ST18: variants seen among roughly 807,000 people sequenced by gnomAD.
The protein encoded by ST18 is ST18 C2H2C-type zinc finger transcription factor, also known as suppression of tumorigenicity 18 protein.
Under a neutral mutation model 110.0 loss-of-function variants are expected in ST18, and 50 were observed. The observed-to-expected ratio is 0.45, with a 90% CI of 0.36 to 0.58. The LOEUF is 0.58. Among genes scored for constraint, ST18 ranks in the 20% least tolerant of loss-of-function variants. ST18 has a pLI of 0.00. For synonymous variants in ST18, 461 were observed against 452.4 expected (o/e 1.02, Z -0.24); for missense variants, 1,306 against 1,280.1 (o/e 1.02, Z -0.31).
At chr8:52,158,088 C>T (rs2060466279) in intron 15 of ST18, among the ~76,000 whole-genome samples, 1 of 152,234 alleles carries the variant, frequency 6.6e-6, no homozygotes, top group African/African-American at 2.4e-5. Context: ...GTGCAAATGG[C>T]TGAGCCACTT....
intron 19 of ST18, 43 bp downstream of exon 19, chr8:52,136,547 C>G (rs779679577): frequency 6.4e-7 from 1 of 1,570,378 alleles, no homozygotes; most frequent in Non-Finnish European, 8.7e-7. Flanking sequence ...GAGGGTCCTA[C>G]CGTGTGGATG....
chr8:52,280,787 G>T (rs2095361274), intron 2 of ST18, among the ~76,000 whole-genome samples: 1 of 151,978 alleles, frequency 6.6e-6, no homozygotes, highest in Non-Finnish European at 1.5e-5. Context: ...TAATATAAAA[G>T]TTTTAAACAA....
chr8:52,171,462 A>G (rs2064932346), intron 10 of ST18: 1 of 400,830 alleles, frequency 2.5e-6, no homozygotes, highest in South Asian at 2.0e-5. Context: ...AAGATTTAAG[A>G]TCCAGTAAAT....
intron 24 of ST18, among the ~76,000 whole-genome samples, chr8:52,116,652 A>G (rs1166530913): frequency 6.6e-6 from 1 of 152,258 alleles, no homozygotes; most frequent in South Asian, 2.1e-4. Context: ...GAACTTCTCC[A>G]CATGGCTGTA....
chr8:52,185,681 GT>G, intron 8 of ST18, among the ~76,000 whole-genome samples: 1 of 152,284 alleles, frequency 6.6e-6, no homozygotes, highest in South Asian at 2.1e-4. Context: ...GCAAAGGGTT[GT>G]TTCTTCAGTG....
chr8:52,309,916 G>A (rs1452925054), intron 2 of ST18, among the ~76,000 whole-genome samples: 2 of 152,158 alleles, frequency 1.3e-5, no homozygotes, highest in Non-Finnish European at 2.9e-5. Flanking sequence ...TGCTGTTAAC[G>A]CCATTCTTTT....
At chr8:52,299,931 A>T (rs1011892323) in intron 2 of ST18, among the ~76,000 whole-genome samples, 1 of 152,214 alleles carries the variant, frequency 6.6e-6, no homozygotes, top group African/African-American at 2.4e-5. Flanking sequence ...GGAGCCCACG[A>T]TGGATTTCTT....
chr8:52,310,687 G>A (rs1015897944), intron 2 of ST18, among the ~76,000 whole-genome samples: 1 of 152,172 alleles, frequency 6.6e-6, no homozygotes, highest in Non-Finnish European at 1.5e-5. Context: ...TGTGGTTGCA[G>A]TCTACTGTTC....
rs138057717 is a variant in ST18 at position 52,161,533 on chromosome 8, G to A, written c.1436C>T (p.Pro479Leu). The change falls in exon 14 of 26, where the codon CCG becomes CTG. Residue 479 changes from proline to leucine, a missense_variant. Transcript: ENST00000689386. ...TCTGGGAGAGGTGATGGCTTGTGAC[G>A]GGAAATTGAATTCAATTTGCTTCAC... ...SLVKQIEFNF[P>L]SQAITSPRAT... 56 of 1,614,112 alleles carry A rather than the reference G, an allele frequency of 3.5e-5. No homozygotes were observed. In the African/African-American group the frequency reaches 3.7e-4, roughly 11 times the overall value.
intron 2 of ST18, among the ~76,000 whole-genome samples, chr8:52,300,887 G>A (rs769329005): frequency 5.9e-5 from 9 of 152,190 alleles, no homozygotes; most frequent in Non-Finnish European, 1.3e-4. Context: ...AGAATGAGAT[G>A]TGAGAGACAG....
intron 8 of ST18, among the ~76,000 whole-genome samples, chr8:52,203,365 C>G (rs924476248): frequency 2.0e-5 from 3 of 152,108 alleles, no homozygotes; most frequent in African/African-American, 7.2e-5. Context: ...CACACAAACT[C>G]TTGGCTTTTC....
At chr8:52,264,266 A>C (rs2094797619) in intron 2 of ST18, among the ~76,000 whole-genome samples, 1 of 152,236 alleles carries the variant, frequency 6.6e-6, no homozygotes, top group Admixed American at 6.5e-5. Flanking sequence ...ATTGATACCC[A>C]TGTGGAAATT....
chr8:52,315,072 T>A (rs759798003), intron 2 of ST18, among the ~76,000 whole-genome samples: 3 of 152,234 alleles, frequency 2.0e-5, no homozygotes, highest in Non-Finnish European at 4.4e-5. Context: ...TCAGATTTCC[T>A]CTTTCATATA....
chr8:52,299,048 T>G (rs1281323168), intron 2 of ST18, among the ~76,000 whole-genome samples: 2 of 152,224 alleles, frequency 1.3e-5, no homozygotes, highest in Non-Finnish European at 1.5e-5. Flanking sequence ...CCTTGGTATC[T>G]TTCAACAATT....
chr8:52,264,169 G>A (rs923040245), intron 2 of ST18, among the ~76,000 whole-genome samples: 25 of 152,162 alleles, frequency 1.6e-4, no homozygotes, highest in Admixed American at 4.6e-4. Context: ...CTTTAAAACA[G>A]TGATGTTTTT....
chr8:52,149,722 G>C lies in ST18; in HGVS notation c.2052+10C>G. On this transcript the variant is annotated intron_variant, in intron 16 of 25. Coordinates refer to ENST00000689386, the MANE Select transcript of ST18 (RefSeq NM_001352837.2). Reference sequence around the variant, plus strand: ...TCTTCAACTTATTGATTGACATATGGAAACAATACCTCTTTCTCCTCCTCT... The same window carrying C: ...TCTTCAACTTATTGATTGACATATGCAAACAATACCTCTTTCTCCTCCTCT... 6.2e-7 allele frequency: 1 copy of C among 1,611,266 alleles called. No individual in the cohort carries two copies. The highest frequency in any genetic ancestry group is 8.5e-7 in the Non-Finnish European group (1 of 1,178,288).
chr8:52,235,116 T>A (rs1368126039), intron 2 of ST18, among the ~76,000 whole-genome samples: 2 of 151,698 alleles, frequency 1.3e-5, no homozygotes, highest in African/African-American at 4.8e-5. Context: ...CCTATGGAAA[T>A]CAAAAGTTTT....
intron 2 of ST18, among the ~76,000 whole-genome samples, chr8:52,250,333 C>T (rs891556565): frequency 6.7e-6 from 1 of 150,160 alleles, no homozygotes; most frequent in Non-Finnish European, 1.5e-5. Flanking sequence ...TTTGCCTGTG[C>T]TCTATTTATT....
chr8:52,228,985 A>C (rs1238162474), intron 3 of ST18, among the ~76,000 whole-genome samples: 1 of 152,186 alleles, frequency 6.6e-6, no homozygotes, highest in African/African-American at 2.4e-5. Context: ...TCATATAAAG[A>C]ATTTCTGATG....
Sources: allele counts gnomAD v4.1 joint callset (sites outside exome capture counted in the v4.1 genomes callset), GRCh38; gene constraint gnomAD v4.1.1; transcripts MANE v1.5; gene names NCBI Gene and HGNC (gene_info 2026-07-23, HGNC 2026-07-21).